Variants in SENP7 observed in about 807,000 individuals in gnomAD.
The protein encoded by SENP7 is sentrin-specific protease 7.
Under a neutral mutation model 141.2 loss-of-function variants are expected in SENP7, and 64 were observed. That is an observed-to-expected ratio of 0.45 (90% CI 0.37 to 0.56). The LOEUF is 0.56. Among genes scored for constraint, SENP7 ranks in the 20% least tolerant of loss-of-function variants. The pLI is 0.00. For synonymous variants in SENP7, 382 were observed against 426.4 expected (o/e 0.90, Z 1.28); for missense variants, 1,025 against 1,212.2 (o/e 0.85, Z 2.29).
At chr3:101,450,648 A>C (rs1348855609) in intron 4 of SENP7, among the ~76,000 whole-genome samples, 2 of 152,222 alleles carry the variant, frequency 1.3e-5, no homozygotes, top group Non-Finnish European at 2.9e-5. Context: ...AGAAATAAAG[A>C]TGTTCTTTGA....
chr3:101,446,016 G>T (rs1225241532), intron 4 of SENP7, among the ~76,000 whole-genome samples: 1 of 152,182 alleles, frequency 6.6e-6, no homozygotes, highest in Non-Finnish European at 1.5e-5. Flanking sequence ...AATCCCCAAT[G>T]TTGGAAGAGG....
chr3:101,420,470 CGTT>C (rs2107669210), intron 4 of SENP7, among the ~76,000 whole-genome samples: 1 of 152,314 alleles, frequency 6.6e-6, no homozygotes, highest in African/African-American at 2.4e-5. Flanking sequence ...AAGAAACACA[CGTT>C]GTCTTACAGT....
At chr3:101,512,335 G>A (rs1368099478) in intron 1 of SENP7, among the ~76,000 whole-genome samples, 1 of 152,164 alleles carries the variant, frequency 6.6e-6, no homozygotes, top group Non-Finnish European at 1.5e-5. Flanking sequence ...TTCTCAACTG[G>A]GAGGAGCTCT....
chr3:101,443,390 T>C (rs1376200004), intron 4 of SENP7, among the ~76,000 whole-genome samples: 8 of 151,840 alleles, frequency 5.3e-5, no homozygotes, highest in Non-Finnish European at 2.9e-5. Flanking sequence ...GTGTGATGCC[T>C]CCAGCTTTGT....
chr3:101,490,640 C>T (rs2064929130), intron 3 of SENP7, among the ~76,000 whole-genome samples: 1 of 152,034 alleles, frequency 6.6e-6, no homozygotes, highest in African/African-American at 2.4e-5. Flanking sequence ...TTACTCTAGT[C>T]AGAGCTCATC....
At chr3:101,407,947 A>ATTGTTTTT (rs2061349945) in intron 5 of SENP7, among the ~76,000 whole-genome samples, 2 of 152,268 alleles carry the variant, frequency 1.3e-5, no homozygotes, top group East Asian at 3.9e-4. Flanking sequence ...GCAGAACTAA[A>ATTGTTTTT]TGAAATTAAA....
intron 4 of SENP7, among the ~76,000 whole-genome samples, chr3:101,455,273 A>T (rs2063312620): frequency 6.6e-6 from 1 of 152,236 alleles, no homozygotes; most frequent in South Asian, 2.1e-4. Flanking sequence ...TGCATTAACA[A>T]CATTCCTCTC....
chr3:101,417,229 CATAT>C (rs1207796208), intron 5 of SENP7, among the ~76,000 whole-genome samples: 2 of 152,050 alleles, frequency 1.3e-5, no homozygotes, highest in Admixed American at 1.3e-4. Context: ...TATTAATGCA[CATAT>C]ATACACACAC....
At chr3:101,403,025 A>G (rs1433125699) in intron 5 of SENP7, among the ~76,000 whole-genome samples, 3 of 152,242 alleles carry the variant, frequency 2.0e-5, no homozygotes, top group African/African-American at 7.2e-5. Context: ...TCTTCCGGAA[A>G]GGATTCATCA....
chr3:101,406,983 A>G (rs1444102014), intron 5 of SENP7, among the ~76,000 whole-genome samples: 1 of 152,232 alleles, frequency 6.6e-6, no homozygotes, highest in Non-Finnish European at 1.5e-5. Context: ...CTTCATATAC[A>G]AAGGAAAGAT....
At chr3:101,438,041 G>A (rs1190129004) in intron 4 of SENP7, among the ~76,000 whole-genome samples, 1 of 151,806 alleles carries the variant, frequency 6.6e-6, no homozygotes, top group African/African-American at 2.4e-5. Flanking sequence ...AAATAATACA[G>A]CAGTTGTTCA....
chr3:101,376,338 G>T (rs1176559411), intron 6 of SENP7, among the ~76,000 whole-genome samples: 9 of 151,986 alleles, frequency 5.9e-5, no homozygotes, highest in Non-Finnish European at 5.9e-5. Flanking sequence ...ACTTAAAAAT[G>T]GTTAAAATGG....
chr3:101,347,726 A>G (rs1009457030), intron 13 of SENP7, 146 bp downstream of exon 13: 5 of 472,340 alleles, frequency 1.1e-5, no homozygotes, highest in African/African-American at 8.1e-5. Context: ...CATCTCAAAA[A>G]AAAAAAAAAA....
intron 6 of SENP7, among the ~76,000 whole-genome samples, chr3:101,380,443 C>CT (rs767226656): frequency 1.1e-5 from 1 of 94,204 alleles, no homozygotes; most frequent in East Asian, 3.8e-4. Flanking sequence ...CCGCCCCCCC[C>CT]CCCACACACA....
intron 5 of SENP7, among the ~76,000 whole-genome samples, chr3:101,409,740 A>C (rs146709552): frequency 2.5e-3 from 379 of 152,344 alleles, no homozygotes; most frequent in African/African-American, 8.9e-3. Context: ...CACATGTAGG[A>C]GAATGAAACT....
At chr3:101,418,463 A>C (rs1263469943) in intron 4 of SENP7, among the ~76,000 whole-genome samples, 1 of 152,124 alleles carries the variant, frequency 6.6e-6, no homozygotes, top group Non-Finnish European at 1.5e-5. Flanking sequence ...AAAACTATGG[A>C]ATATAGTTTC....
rs757009066 is a variant in SENP7 at position 101,327,770 on chromosome 3, A to G, written c.2911T>C (p.Phe971Leu). 6.2e-7 allele frequency: 1 copy of G among 1,611,294 alleles called. No individual in the cohort carries two copies. The highest frequency in any genetic ancestry group is 8.5e-7 in the Non-Finnish European group (1 of 1,178,342). The change falls in exon 23 of 24, where the codon TTC becomes CTC. Residue 971 changes from phenylalanine to leucine, a missense_variant. Phe to Leu is a conservative substitution (Grantham distance 22, BLOSUM62 0). This residue lies in a region of SENP7 where 295 missense variants were observed against 459.1 expected (regional missense o/e 0.64). Transcript: ENST00000394095. ...AGATCCACCATGTTTGTTTTGCTGA[A>G]TTGACGATGAGTTTTTAGTTTAACT... ...WEVKLKTHRQ[F>L]SKTNMVDLCP...
intron 5 of SENP7, among the ~76,000 whole-genome samples, chr3:101,413,737 G>A (rs1275130836): frequency 2.0e-5 from 3 of 150,442 alleles, no homozygotes; most frequent in Non-Finnish European, 4.4e-5. Flanking sequence ...AAAAAAGGGA[G>A]GGGGGGGATA....
At chr3:101,499,361 T>C (rs928972615) in intron 2 of SENP7, among the ~76,000 whole-genome samples, 1 of 151,966 alleles carries the variant, frequency 6.6e-6, no homozygotes, top group South Asian at 2.1e-4. Context: ...ATCCTGGCAA[T>C]GTAAGGTTTT....
Sources: gnomAD v4.1 joint callset for allele counts (sites outside exome capture counted in the v4.1 genomes callset) on GRCh38, gnomAD v4.1.1 for gene constraint, gnomAD v4.1.1 regional missense constraint, MANE v1.5 for transcripts, NCBI Gene and HGNC (gene_info 2026-07-23, HGNC 2026-07-21) for gene names.